The following SUGP1 variants were observed in gnomAD, a reference collection of about 807,000 sequenced individuals.
SUGP1 encodes SURP and G-patch domain-containing protein 1.
In SUGP1, 34 loss-of-function variants were observed where a neutral mutation model predicts 76.5. The ratio of observed to expected loss-of-function variants is 0.44; its 90% CI spans 0.34 to 0.59. SUGP1 has a LOEUF of 0.59. Ranked by LOEUF, SUGP1 falls within the 20% of genes least tolerant of loss-of-function variation. SUGP1 has a pLI of 0.01. For synonymous variants in SUGP1, 326 were observed against 326.2 expected, an observed-to-expected ratio of 1.00 and a Z score of 0.01; for missense variants, 752 against 851.7, an observed-to-expected ratio of 0.88 and a Z score of 1.46.
At chr19:19,314,144 A>T (rs1021120472) in intron 2 of SUGP1, among the ~76,000 whole-genome samples, 16 of 147,066 alleles carry the variant, frequency 1.1e-4, no homozygotes, top group Non-Finnish European at 1.9e-4. Flanking sequence ...CTCAAAAAAT[A>T]AAATAAATAA....
intron 4 of SUGP1, chr19:19,304,079 C>T: frequency 1.3e-6 from 2 of 1,489,690 alleles, no homozygotes; most frequent in South Asian, 1.3e-5. Context: ...CTGTGGTGAG[C>T]TCCAGGCTGG....
At chr19:19,317,738 C>T (rs2061405038) in intron 1 of SUGP1, among the ~76,000 whole-genome samples, 1 of 150,720 alleles carries the variant, frequency 6.6e-6, no homozygotes, top group African/African-American at 2.4e-5. Flanking sequence ...AGGCTGGTCT[C>T]AAACATTCTT....
intron 9 of SUGP1, among the ~76,000 whole-genome samples, chr19:19,279,727 C>T (rs537201595): frequency 6.6e-6 from 1 of 152,326 alleles, no homozygotes; most frequent in Non-Finnish European, 1.5e-5. Context: ...GCCTGCAGCT[C>T]CTCAGGGGAG....
chr19:19,285,331 A>G (rs2061131666), intron 8 of SUGP1, among the ~76,000 whole-genome samples: 1 of 151,730 alleles, frequency 6.6e-6, no homozygotes, highest in East Asian at 1.9e-4. Context: ...ACACACAGCT[A>G]ATTTTTTGTA....
chr19:19,277,129 G>T (rs540371597), intron 12 of SUGP1, 53 bp from the exon 13 acceptor site: 2 of 1,568,014 alleles, frequency 1.3e-6, no homozygotes, highest in East Asian at 2.3e-5. Flanking sequence ...CTCTGGCCGG[G>T]GGGCCGGGCA....
At chr19:19,319,176 C>T (rs1164510427) in intron 1 of SUGP1, among the ~76,000 whole-genome samples, 1 of 152,092 alleles carries the variant, frequency 6.6e-6, no homozygotes, top group Admixed American at 6.6e-5. Flanking sequence ...CAGCCGACAT[C>T]GTGCCACTGC....
chr19:19,301,965 CTGTG>C, intron 7 of SUGP1: 1 of 400,652 alleles, frequency 2.5e-6, no homozygotes, highest in East Asian at 4.3e-5. Context: ...CCAAGGGCTG[CTGTG>C]TGTCCCAAAG....
intron 8 of SUGP1, 146 bp downstream of exon 8, chr19:19,296,843 G>A: frequency 1.5e-6 from 1 of 651,854 alleles, no homozygotes; most frequent in Non-Finnish European, 2.4e-6. Context: ...TAAGCCAAAT[G>A]TGGTATGTAC....
intron 7 of SUGP1, among the ~76,000 whole-genome samples, chr19:19,301,023 C>A: frequency 6.6e-6 from 1 of 152,182 alleles, no homozygotes; most frequent in East Asian, 1.9e-4. Flanking sequence ...TGTCTACCTA[C>A]AATGACAGCA....
chr19:19,296,960 A>G, intron 8 of SUGP1, 29 bp downstream of exon 8: 1 of 1,519,104 alleles, frequency 6.6e-7, no homozygotes, highest in Non-Finnish European at 8.9e-7. Context: ...GACCCTTCCA[A>G]CACAGGGAGG....
At chr19:19,282,915 A>C (rs1200628542) in intron 8 of SUGP1, among the ~76,000 whole-genome samples, 2 of 152,012 alleles carry the variant, frequency 1.3e-5, no homozygotes, top group Admixed American at 6.6e-5. Context: ...GTCTCTACTA[A>C]AAATACAAAA....
Position 19,276,143 on chromosome 19 carries a change from C to G in SUGP1, c.*505G>C, listed in dbSNP as rs2061047997. 1 of 158,104 alleles carries G rather than the reference C, an allele frequency of 6.3e-6. No homozygotes were observed. The highest frequency in any genetic ancestry group is 2.4e-5 in the African/African-American group (1 of 41,520). 9.8% of individuals were successfully genotyped at this position (158,104 alleles called of 1,614,324 possible). A position where few individuals can be genotyped will look rare whatever the true frequency, so the allele number is the denominator to read the frequency against. On this transcript the variant is annotated 3_prime_UTR_variant, in exon 14 of 14. Transcript: ENST00000247001. ...AATCTTGGCTCACTGCAACCGCTTC[C>G]CAGGTTCAAGCCATTCTCCTGCCTC... is the stretch of plus-strand genomic sequence containing the variant.
intron 3 of SUGP1, among the ~76,000 whole-genome samples, chr19:19,306,309 C>T (rs1372976617): frequency 2.6e-5 from 4 of 152,276 alleles, no homozygotes; most frequent in Middle Eastern, 3.4e-3. Flanking sequence ...TGAAGTGGGC[C>T]GCTGTGGCTG....
intron 1 of SUGP1, among the ~76,000 whole-genome samples, chr19:19,320,185 C>G (rs2061431588): frequency 6.6e-6 from 1 of 152,212 alleles, no homozygotes; most frequent in Non-Finnish European, 1.5e-5. Context: ...GAGGTTGGAG[C>G]AGCCCTGAAG....
At chr19:19,306,129 G>T in intron 3 of SUGP1, 53 bp from the exon 4 acceptor site, 1 of 1,450,200 alleles carries the variant, frequency 6.9e-7, no homozygotes, top group South Asian at 1.4e-5. Context: ...CACCTCTCCC[G>T]GCTTCCGACC....
intron 8 of SUGP1, among the ~76,000 whole-genome samples, chr19:19,291,889 T>TCACACACACACACACACA (rs541521385): frequency 5.4e-5 from 7 of 128,636 alleles, no homozygotes; most frequent in African/African-American, 5.9e-5. Context: ...TGAGACTCTG[T>TCACACACACACACACACA]CACACACACA....
chr19:19,305,080 C>T (rs895955710), intron 4 of SUGP1, among the ~76,000 whole-genome samples: 1 of 152,184 alleles, frequency 6.6e-6, no homozygotes, highest in Non-Finnish European at 1.5e-5. Flanking sequence ...GGAAAGGACA[C>T]ACGCCAGCTC....
intron 6 of SUGP1, 63 bp downstream of exon 6, chr19:19,303,285 C>T (rs1051266991): frequency 5.1e-5 from 73 of 1,418,872 alleles, no homozygotes; most frequent in Admixed American, 5.1e-4. Context: ...ACCCCGATTC[C>T]GCATTGGGGC....
At chr19:19,300,268 G>T (rs1207828634) in intron 7 of SUGP1, among the ~76,000 whole-genome samples, 1 of 151,548 alleles carries the variant, frequency 6.6e-6, no homozygotes, top group African/African-American at 2.4e-5. Flanking sequence ...TAGAGATGGG[G>T]TTTCGCCATG....
Sources: allele counts gnomAD v4.1 joint callset (sites outside exome capture counted in the v4.1 genomes callset), GRCh38; gene constraint gnomAD v4.1.1; transcripts MANE v1.5; gene names NCBI Gene and HGNC (gene_info 2026-07-23, HGNC 2026-07-21).